The following ICA1L variants were observed in gnomAD, a reference collection of about 807,000 sequenced individuals.
The protein encoded by ICA1L is islet cell autoantigen 1 like.
ICA1L carries 50 observed loss-of-function variants against 61.3 expected under a neutral mutation model. That is an observed-to-expected ratio of 0.82 (90% confidence interval 0.65 to 1.03). The LOEUF is 1.03. Ranked by LOEUF, ICA1L falls within the 50% of genes least tolerant of loss-of-function variation. ICA1L has a pLI of 0.00. For synonymous variants in ICA1L, 161 were observed against 191.3 expected (o/e 0.84, Z 1.31); for missense variants, 508 against 556.7 (o/e 0.91, Z 0.88).
chr2:202,811,868 G>T (rs550147288), intron 8 of ICA1L, 79 bp from the exon 9 acceptor site: 1 of 1,039,582 alleles, frequency 9.6e-7, no homozygotes, highest in South Asian at 1.4e-5. Context: ...AGTTTTATAT[G>T]GTTAAAAAAA....
chr2:202,810,455 T>C (rs1693342357), intron 9 of ICA1L, among the ~76,000 whole-genome samples: 1 of 152,238 alleles, frequency 6.6e-6, no homozygotes, highest in Non-Finnish European at 1.5e-5. Context: ...ACCCTTGTGA[T>C]TTCCTATGCC....
intron 10 of ICA1L, among the ~76,000 whole-genome samples, chr2:202,793,494 TAAAAAAAAAAAAAA>T (rs755015399): frequency 7.0e-4 from 22 of 31,352 alleles, no homozygotes; most frequent in East Asian, 3.5e-3. Context: ...CCGTCTCTAC[TAAAAAAAAAAAAAA>T]AAAAAAAAAA....
chr2:202,857,694 C>G (rs1408302203), intron 1 of ICA1L, among the ~76,000 whole-genome samples: 1 of 152,138 alleles, frequency 6.6e-6, no homozygotes, highest in East Asian at 1.9e-4. Context: ...AGGCAACCTA[C>G]AGAATGGGGG....
chr2:202,863,582 T>C (rs1370992152), intron 1 of ICA1L, among the ~76,000 whole-genome samples: 1 of 152,000 alleles, frequency 6.6e-6, no homozygotes, highest in Non-Finnish European at 1.5e-5. Flanking sequence ...CCCAGCACTT[T>C]GGAAGGCTGA....
intron 9 of ICA1L, among the ~76,000 whole-genome samples, chr2:202,804,413 C>T (rs1693170250): frequency 6.6e-6 from 1 of 152,106 alleles, no homozygotes; most frequent in Admixed American, 6.5e-5. Flanking sequence ...GATGAGCACC[C>T]TTTCTACAAA....
intron 1 of ICA1L, among the ~76,000 whole-genome samples, chr2:202,845,773 C>T (rs1005515905): frequency 6.6e-6 from 1 of 152,044 alleles, no homozygotes; most frequent in Non-Finnish European, 1.5e-5. Context: ...TCACTTATAA[C>T]GTCTCATTAC....
In ICA1L at chr2:202,842,879, A is replaced by G. The variant is rs573306019; in HGVS notation, c.-7-13863T>C. Reference sequence around the variant, plus strand: ...TATGTTTTGAAATAATCTGTCTTTGAGTTCACATATTAATTCTTCTGCTTC... The same window carrying G: ...TATGTTTTGAAATAATCTGTCTTTGGGTTCACATATTAATTCTTCTGCTTC... On this transcript the variant is annotated intron_variant, in intron 1 of 12. Transcript: ENST00000358299. Among the ~76,000 whole-genome samples, 644 of 152,220 alleles carry G rather than the reference A, an allele frequency of 4.2e-3. 3 individuals are homozygous for G. Among genetic ancestry groups the G allele is most frequent in the African/African-American group, 0.015 (611 of 41,550 alleles).
chr2:202,782,518 C>T (rs909120045), intron 12 of ICA1L, among the ~76,000 whole-genome samples: 15 of 151,492 alleles, frequency 9.9e-5, no homozygotes, highest in Non-Finnish European at 2.2e-4. Flanking sequence ...AGTGATTCTC[C>T]TTGCCTCAGC....
intron 1 of ICA1L, among the ~76,000 whole-genome samples, chr2:202,842,984 T>TA (rs1559145251): frequency 1.3e-5 from 2 of 152,160 alleles, no homozygotes; most frequent in East Asian, 3.8e-4. Flanking sequence ...TTGATTTTTT[T>TA]AAAAAAATAA....
chr2:202,792,411 T>G (rs1692780973), intron 10 of ICA1L, among the ~76,000 whole-genome samples: 1 of 152,178 alleles, frequency 6.6e-6, no homozygotes, highest in South Asian at 2.1e-4. Context: ...AGTAGTAGTA[T>G]AATAGCCAAA....
chr2:202,789,659 A>G (rs905653461), intron 10 of ICA1L, among the ~76,000 whole-genome samples: 1 of 152,236 alleles, frequency 6.6e-6, no homozygotes, highest in African/African-American at 2.4e-5. Flanking sequence ...TGAAACTATA[A>G]AAACAAAAAG....
intron 12 of ICA1L, among the ~76,000 whole-genome samples, chr2:202,784,451 A>T (rs1692515072): frequency 6.6e-6 from 1 of 152,190 alleles, no homozygotes; most frequent in Admixed American, 6.5e-5. Flanking sequence ...AACAACAACA[A>T]AAGAAAACAT....
rs891548923 is a variant in ICA1L at position 202,776,814 on chromosome 2, A to T, written c.*2719T>A. Reference sequence around the variant, plus strand: ...TTATAGAAACTAGTAACAGAATAATAAAAGTCCCTTGTATGTCTCCATTTC... The same window carrying T: ...TTATAGAAACTAGTAACAGAATAATTAAAGTCCCTTGTATGTCTCCATTTC... On this transcript the variant is annotated 3_prime_UTR_variant, in exon 13 of 13. Transcript: ENST00000358299. 1.3e-5 allele frequency: 2 copies of T among 152,162 alleles called. No individual in the cohort carries two copies. Among genetic ancestry groups the T allele is most frequent in the African/African-American group, 2.4e-5 (1 of 41,434 alleles). 9.4% of individuals were successfully genotyped at this position (152,162 alleles called of 1,614,324 possible).
chr2:202,785,060 A>T (rs533922292), intron 12 of ICA1L, among the ~76,000 whole-genome samples: 10 of 152,038 alleles, frequency 6.6e-5, no homozygotes, highest in Admixed American at 5.9e-4. Context: ...TCTACTAAAA[A>T]TACAAAAAAT....
intron 10 of ICA1L, among the ~76,000 whole-genome samples, chr2:202,796,559 T>A (rs1268849895): frequency 6.6e-6 from 1 of 152,224 alleles, no homozygotes; most frequent in East Asian, 1.9e-4. Flanking sequence ...ACTATTTTGC[T>A]AGTATCTAAT....
chr2:202,803,795 C>T (rs541334949), intron 9 of ICA1L, among the ~76,000 whole-genome samples: 24 of 152,066 alleles, frequency 1.6e-4, no homozygotes, highest in Middle Eastern at 3.4e-3. Context: ...CCCAAAGTGC[C>T]GGGATTACAG....
At chr2:202,842,602 A>T (rs2105873560) in intron 1 of ICA1L, among the ~76,000 whole-genome samples, 1 of 152,186 alleles carries the variant, frequency 6.6e-6, no homozygotes, top group South Asian at 2.1e-4. Flanking sequence ...TTGATTTTTG[A>T]CAGTTTGATT....
At position 202,774,342 on chromosome 2, in the gene ICA1L, TGCCGC is replaced by T. The variant is rs1692151100; in HGVS notation, c.*5186_*5190del. The T allele has an allele frequency of 1.1e-5, 15 of 1,392,426 alleles. No individual in the cohort carries two copies. The highest frequency in any genetic ancestry group is 1.0e-5 in the Non-Finnish European group (11 of 1,081,546). 86.3% of individuals were successfully genotyped at this position (1,392,426 alleles called of 1,614,324 possible). Reference sequence around the variant, plus strand: ...GTTCCCCGCAGCGCTGAGGCGAGCCTGCCGCGCGCTCCGCTCAGCGTGGTCTGGCA... The same window carrying T: ...GTTCCCCGCAGCGCTGAGGCGAGCCTGCGCTCCGCTCAGCGTGGTCTGGCA... On this transcript the variant is annotated 3_prime_UTR_variant, in exon 13 of 13. Transcript: ENST00000358299.
intron 1 of ICA1L, among the ~76,000 whole-genome samples, chr2:202,866,395 T>A (rs1277461697): frequency 1.3e-5 from 2 of 152,184 alleles, no homozygotes; most frequent in African/African-American, 2.4e-5. Flanking sequence ...CCATGCTTCT[T>A]GTACAGCCTG....
Sources: gnomAD v4.1 joint callset for allele counts (sites outside exome capture counted in the v4.1 genomes callset) on GRCh38, gnomAD v4.1.1 for gene constraint, MANE v1.5 for transcripts, NCBI Gene and HGNC (gene_info 2026-07-23, HGNC 2026-07-21) for gene names.